Variants in TANK observed in about 807,000 individuals in gnomAD.
TANK encodes the protein TRAF family member associated NFKB activator, also known as TRAF family member-associated NF-kappa-B activator.
TANK carries 15 observed loss-of-function variants against 43.6 expected under a neutral mutation model. That is an observed-to-expected ratio of 0.34 (90% CI 0.23 to 0.53). TANK has a LOEUF of 0.53. Ranked by LOEUF, TANK falls within the 20% of genes least tolerant of loss-of-function variation. The probability of loss-of-function intolerance (pLI) is 0.94; values close to 1 mark genes in which losing one functional copy is unlikely to be tolerated. For missense variants in TANK, 417 were observed against 498.6 expected (o/e 0.84, Z 1.56); for synonymous variants, 162 against 178.2 (o/e 0.91, Z 0.73).
intron 2 of TANK, among the ~76,000 whole-genome samples, chr2:161,199,536 T>G (rs1574025442): frequency 6.6e-6 from 1 of 152,292 alleles, no homozygotes; most frequent in South Asian, 2.1e-4. Flanking sequence ...TAAACATCTA[T>G]CTACAGAAAA....
chr2:161,192,140 A>T (rs1196627390), intron 2 of TANK, among the ~76,000 whole-genome samples: 2 of 152,080 alleles, frequency 1.3e-5, no homozygotes, highest in Non-Finnish European at 1.5e-5. Flanking sequence ...GGCTTGAGAT[A>T]TCTGTGACAA....
At position 161,186,515 on chromosome 2, in the gene TANK, A is replaced by G. The variant is rs144961820; in HGVS notation, c.99+6754A>G. ...TACAGAAGAATGAAAGTAGACCCTC[A>G]TTTCTCACCATGTATAAAAATCAAA... On this transcript the variant is annotated intron_variant, in intron 2 of 7. Coordinates refer to ENST00000392749, the MANE Select transcript of TANK (RefSeq NM_001199135.3). 1.8e-3 allele frequency among the ~76,000 whole-genome samples: 276 copies of G among 152,318 alleles called. 9 individuals are homozygous for G. In the South Asian group the frequency reaches 0.032, roughly 18 times the overall value.
intron 2 of TANK, chr2:161,201,046 A>G: frequency 1.1e-6 from 1 of 945,498 alleles, no homozygotes; most frequent in Non-Finnish European, 1.3e-6. Flanking sequence ...CAGACATTAG[A>G]CAATTAGACT....
chr2:161,183,385 C>T (rs922343677), intron 2 of TANK, among the ~76,000 whole-genome samples: 2 of 151,700 alleles, frequency 1.3e-5, no homozygotes, highest in African/African-American at 4.8e-5. Context: ...AGGTTTAAGA[C>T]ATAACTACTT....
At chr2:161,204,842 A>G (rs1558994730) in intron 4 of TANK, 49 bp downstream of exon 4, 6 of 1,585,374 alleles carry the variant, frequency 3.8e-6, no homozygotes, top group Admixed American at 1.9e-5. Context: ...GATGCGTGAC[A>G]TAGCTTCCTC....
chr2:161,176,780 A>C (rs906860628), intron 1 of TANK, among the ~76,000 whole-genome samples: 1 of 152,138 alleles, frequency 6.6e-6, no homozygotes, highest in African/African-American at 2.4e-5. Context: ...AAGGGACTAG[A>C]TGGATTTCCA....
chr2:161,157,997 T>C (rs896354402), upstream of TANK, among the ~76,000 whole-genome samples: 7 of 152,088 alleles, frequency 4.6e-5, no homozygotes, highest in Non-Finnish European at 7.3e-5. Context: ...TTCCAAAATA[T>C]CTTTTAAAGG....
At chr2:161,206,257 A>T (rs1034092665) in intron 4 of TANK, among the ~76,000 whole-genome samples, 4 of 152,172 alleles carry the variant, frequency 2.6e-5, no homozygotes, top group Non-Finnish European at 4.4e-5. Context: ...GAAATTTTAT[A>T]AGTTTGAAAA....
At chr2:161,176,925 AT>A (rs1167186876) in intron 1 of TANK, among the ~76,000 whole-genome samples, 4 of 152,144 alleles carry the variant, frequency 2.6e-5, no homozygotes, top group African/African-American at 9.7e-5. Flanking sequence ...TAACTTCTGT[AT>A]TAGTTTATTA....
intron 2 of TANK, chr2:161,201,200 A>G (rs1686396418): frequency 1.0e-6 from 1 of 983,836 alleles, no homozygotes; most frequent in Non-Finnish European, 1.2e-6. Flanking sequence ...ATAATACTTT[A>G]TTAAGTAGCT....
At chr2:161,203,702 ATAT>A in intron 3 of TANK, 107 bp downstream of exon 3, 1 of 670,100 alleles carries the variant, frequency 1.5e-6, no homozygotes, top group East Asian at 2.8e-5. Flanking sequence ...AATAGTTTTG[ATAT>A]TATAACTGTG....
intron 6 of TANK, among the ~76,000 whole-genome samples, chr2:161,228,387 C>T (rs1271950808): frequency 3.9e-5 from 6 of 152,084 alleles, no homozygotes; most frequent in Non-Finnish European, 8.8e-5. Context: ...CAAAATTAGC[C>T]GGGCGTGGTG....
intron 1 of TANK, chr2:161,140,062 C>A: frequency 4.9e-6 from 2 of 409,680 alleles, no homozygotes; most frequent in Non-Finnish European, 6.6e-6. Flanking sequence ...AAAAATTAGT[C>A]TATATTTTTA....
intron 4 of TANK, chr2:161,216,274 C>G (rs1461749785): frequency 2.7e-6 from 1 of 371,950 alleles, no homozygotes; most frequent in Non-Finnish European, 5.3e-6. Flanking sequence ...GAAGTTACAT[C>G]TGGACCGTAT....
intron 2 of TANK, among the ~76,000 whole-genome samples, chr2:161,190,924 T>G (rs1685886813): frequency 6.6e-6 from 1 of 152,126 alleles, no homozygotes; most frequent in African/African-American, 2.4e-5. Flanking sequence ...TGATATATAT[T>G]TTACCATATT....
intron 1 of TANK, among the ~76,000 whole-genome samples, chr2:161,146,642 C>A (rs1011890184): frequency 3.9e-5 from 6 of 152,234 alleles, no homozygotes; most frequent in East Asian, 1.9e-4. Flanking sequence ...TTTGCTCTTG[C>A]ACCTGGAGAC....
chr2:161,164,283 AT>A (rs1684574545), intron 1 of TANK, among the ~76,000 whole-genome samples: 1 of 152,164 alleles, frequency 6.6e-6, no homozygotes, highest in Non-Finnish European at 1.5e-5. Context: ...CTAACACCTT[AT>A]AAGCATAAAA....
At chr2:161,160,806 G>T (rs1454503351) in intron 1 of TANK, 8 of 545,098 alleles carry the variant, frequency 1.5e-5, no homozygotes, top group East Asian at 9.2e-5. Context: ...GGGGGTGGAA[G>T]GGCCTGCGGT....
intron 2 of TANK, among the ~76,000 whole-genome samples, chr2:161,182,036 A>G (rs1685451279): frequency 1.3e-5 from 2 of 152,146 alleles, no homozygotes; most frequent in African/African-American, 2.4e-5. Flanking sequence ...TCAACAACAT[A>G]GAAGAGGAGA....
Sources: allele counts gnomAD v4.1 joint callset (sites outside exome capture counted in the v4.1 genomes callset), GRCh38; gene constraint gnomAD v4.1.1; transcripts MANE v1.5; gene names NCBI Gene and HGNC (gene_info 2026-07-23, HGNC 2026-07-21).